Variants in ESPN observed in about 807,000 individuals in gnomAD.
ESPN encodes autosomal recessive deafness type 36 protein.
A neutral mutation model predicts 77.7 loss-of-function variants in ESPN; 68 were observed. The ratio of observed to expected loss-of-function variants is 0.87; its 90% CI spans 0.72 to 1.07. The LOEUF (loss-of-function observed/expected upper bound fraction) is 1.07. Ranked by LOEUF, ESPN falls within the 50% of genes least tolerant of loss-of-function variation. The pLI is 0.00. For missense variants in ESPN, 1,060 were observed against 1,239.0 expected, an observed-to-expected ratio of 0.86 and a Z score of 2.17; for synonymous variants, 449 against 567.1, an observed-to-expected ratio of 0.79 and a Z score of 2.96.
chr1:6,454,154 G>A (rs1644005226), intron 10 of ESPN, among the ~76,000 whole-genome samples: 1 of 152,182 alleles, frequency 6.6e-6, no homozygotes, highest in African/African-American at 2.4e-5. Context: ...TGGAGACCCC[G>A]TCTGCTGGCC....
Position 6,450,779 on chromosome 1 carries a change from C to G in ESPN, c.1916-824C>G, listed in dbSNP as rs1195048293. On this transcript the variant is annotated intron_variant, in intron 8 of 12. Transcript: ENST00000645284. This position sits in a 1 kb window ranked among gnomAD's most constrained non-coding sequence, Gnocchi z 4.3. ...CCCGCTGTGACTGCATTCTGGGATCCCCAGCCTGGGAATCCAAGAGCTGTC... is the reference window on the plus strand; with the variant it reads ...CCCGCTGTGACTGCATTCTGGGATCGCCAGCCTGGGAATCCAAGAGCTGTC... Among the ~76,000 whole-genome samples the G allele has an allele frequency of 6.6e-6, 1 of 152,126 alleles. No homozygotes were observed.
rs1642994057 is a variant in ESPN at position 6,425,265 on chromosome 1, T to C, written c.294+16T>C. 20 of 1,566,824 alleles carry C rather than the reference T, an allele frequency of 1.3e-5. No individual in the cohort carries two copies. Among genetic ancestry groups the C allele is most frequent in the Non-Finnish European group, 1.7e-5 (20 of 1,164,892 alleles). On this transcript the variant is annotated intron_variant, in intron 1 of 12. Transcript: ENST00000645284. ...CAGAGTGCAGGTGGGTCCGCGCGGT[T>C]CGCCAGGGGCACTGAGGCTTCCTCC... is the stretch of plus-strand genomic sequence containing the variant.
intron 7 of ESPN, chr1:6,446,888 G>A (rs1234141231): frequency 1.3e-5 from 2 of 152,254 alleles, no homozygotes; most frequent in African/African-American, 4.8e-5. Context: ...ACTGGGCAAG[G>A]GAGGCATGGG....
intron 2 of ESPN, among the ~76,000 whole-genome samples, chr1:6,438,189 T>G (rs1349182540): frequency 6.6e-6 from 1 of 152,126 alleles, no homozygotes; most frequent in African/African-American, 2.4e-5. Flanking sequence ...TGGGGATAGA[T>G]TGTGGCTCCA....
chr1:6,455,576 G>GC (rs1644040074), intron 10 of ESPN: 1 of 398,922 alleles, frequency 2.5e-6, no homozygotes, highest in African/African-American at 2.1e-5. Context: ...GCCTGTATTG[G>GC]CCCCAGCACT....
intron 3 of ESPN, 35 bp from the exon 4 acceptor site, chr1:6,440,591 G>GCCCCCCC: frequency 9.4e-7 from 1 of 1,066,458 alleles, no homozygotes; most frequent in Non-Finnish European, 1.3e-6. Context: ...CTGGCGCCCA[G>GCCCCCCC]CCCCCGCCCC....
In ESPN at chr1:6,437,993, T is replaced by C. The variant is rs1225669902; in HGVS notation, c.489-2261T>C. Among the ~76,000 whole-genome samples, 2 of 150,214 alleles carry C rather than the reference T, an allele frequency of 1.3e-5. No homozygotes were observed. Among genetic ancestry groups the C allele is most frequent in the African/African-American group, 2.5e-5 (1 of 40,580 alleles). ...CATTGATGGGCAGGCAACAAGCGGA[T>C]GGGCAGTTGGATGGGTGAGCGAGGG... On this transcript the variant is annotated intron_variant, in intron 2 of 12. Transcript: ENST00000645284. This position sits in a 1 kb window ranked among gnomAD's most constrained non-coding sequence, Gnocchi z 4.5.
intron 3 of ESPN, 67 bp from the exon 4 acceptor site, chr1:6,440,559 C>G: frequency 1.4e-6 from 1 of 691,580 alleles, no homozygotes; most frequent in Non-Finnish European, 1.9e-6. Context: ...CACGGAGGTA[C>G]AGGGGGCGGG....
In ESPN at chr1:6,440,776, C is replaced by T. The variant is rs781690883; in HGVS notation, c.826C>T (p.Leu276=). The T allele has an allele frequency of 2.8e-5, 42 of 1,520,734 alleles. No homozygotes were observed. In the East Asian group the frequency reaches 6.2e-4, roughly 23 times the overall value. The allele number at this position is 1,520,734 out of a possible 1,614,324, so 94.2% of individuals were successfully genotyped here. ...ISADLWGGTP[L]HDAAENGELE... The stretch of plus-strand genomic sequence containing the variant: ...GGCTGACCTGTGGGGCGGGACCCCG[C>T]TGCACGACGCCGCCGAGAACGGGGA... Residue 276 remains leucine, a synonymous_variant, in exon 4 of 13, where the codon CTG becomes TTG. Coordinates refer to ENST00000645284, the MANE Select transcript of ESPN (RefSeq NM_031475.3).
chr1:6,425,375 GGAGCTCCTTCCA>G (rs1292995621), intron 1 of ESPN, 126 bp downstream of exon 1: 2 of 1,229,068 alleles, frequency 1.6e-6, no homozygotes, highest in Admixed American at 4.2e-5. Flanking sequence ...AACCCTGCAC[GGAGCTCCTTCCA>G]GAGGCCCTCA....
At position 6,452,099 on chromosome 1, in the gene ESPN, G is replaced by A. The variant is rs756258213; in HGVS notation, c.2325+3G>A. On this transcript the variant is annotated splice_donor_region_variant and intron_variant, in intron 10 of 12. Transcript: ENST00000645284. ...AGGAGGAGGAGCAGAGGCGGAAGGT[G>A]GGTGGGGCGGGGTGCCCAGGGAGCC... 10 of 1,534,726 alleles carry A rather than the reference G, an allele frequency of 6.5e-6. No individual in the cohort carries two copies. The highest frequency in any genetic ancestry group is 4.1e-4 in the Middle Eastern group (2 of 4,892).
At chr1:6,452,897 A>ATTT (rs1350694225) in intron 10 of ESPN, among the ~76,000 whole-genome samples, 2 of 138,808 alleles carry the variant, frequency 1.4e-5, no homozygotes, top group South Asian at 4.2e-4. Flanking sequence ...ATTTATTTTT[A>ATTT]TTTTTTATTT....
downstream of ESPN, chr1:6,461,238 C>A (rs1197215000): frequency 2.7e-6 from 2 of 751,432 alleles, no homozygotes; most frequent in Non-Finnish European, 4.8e-6. The surrounding 1 kb of genome is among the most constrained non-coding windows in gnomAD (Gnocchi z 6.3). Context: ...GTCTTCACCC[C>A]CTCTCGACAT....
At chr1:6,446,802 G>A (rs115703831) in intron 7 of ESPN, 24 of 152,292 alleles carry the variant, frequency 1.6e-4, no homozygotes, top group African/African-American at 4.6e-4. Context: ...CTGGAGCCTG[G>A]GACCTTGCAG....
At chr1:6,453,936 C>G (rs998305040) in intron 10 of ESPN, among the ~76,000 whole-genome samples, 1 of 152,076 alleles carries the variant, frequency 6.6e-6, no homozygotes, top group Admixed American at 6.6e-5. Flanking sequence ...TCTTTAAGAG[C>G]GGAGTGGCCT....
chr1:6,439,576 G>A (rs1643546275), intron 2 of ESPN, among the ~76,000 whole-genome samples: 1 of 152,210 alleles, frequency 6.6e-6, no homozygotes, highest in Admixed American at 6.5e-5. Flanking sequence ...GAGTCTTCAA[G>A]AGGGAGGAGA....
Position 6,460,465 on chromosome 1 carries a change from T to G in ESPN, c.*319T>G. On this transcript the variant is annotated 3_prime_UTR_variant, in exon 13 of 13. Coordinates refer to ENST00000645284, the MANE Select transcript of ESPN (RefSeq NM_031475.3). The stretch of plus-strand genomic sequence containing the variant: ...GAGTGCAGAGCTCTCCCCAGCCCCG[T>G]GGGTGGTGACTTTGTTTTCCTGCGG... The G allele has an allele frequency of 4.4e-6, 1 of 227,412 alleles. No individual in the cohort carries two copies. The highest frequency in any genetic ancestry group is 8.7e-6 in the Non-Finnish European group (1 of 114,750). 14.1% of individuals were successfully genotyped at this position (227,412 alleles called of 1,614,324 possible).
Position 6,440,613 on chromosome 1 carries a change from C to G in ESPN, c.676-13C>G. The G allele has an allele frequency of 6.9e-7, 1 of 1,449,286 alleles. No homozygotes were observed. The highest frequency in any genetic ancestry group is 9.2e-7 in the Non-Finnish European group (1 of 1,083,356). 89.8% of individuals were successfully genotyped at this position (1,449,286 alleles called of 1,614,324 possible). A position where few individuals can be genotyped will look rare whatever the true frequency, so the allele number is the denominator to read the frequency against. ...CCAGCCCCCGCCCCCCTCTCCCCGC[C>G]CGTCCCGCCCAGGTGAGCTGCACCG... is the stretch of plus-strand genomic sequence containing the variant. On this transcript the variant is annotated splice_polypyrimidine_tract_variant and intron_variant, in intron 3 of 12. Transcript: ENST00000645284.
chr1:6,449,170 C>A, intron 8 of ESPN, 79 bp downstream of exon 8: 1 of 1,342,102 alleles, frequency 7.5e-7, no homozygotes, highest in Non-Finnish European at 9.7e-7. Flanking sequence ...GCCCCCTCCC[C>A]AGCTGTCACT....
Sources: gnomAD v4.1 joint callset for allele counts (sites outside exome capture counted in the v4.1 genomes callset) on GRCh38, gnomAD v4.1.1 for gene constraint, Gnocchi (gnomAD v3.1) non-coding constraint, MANE v1.5 for transcripts, NCBI Gene and HGNC (gene_info 2026-07-23, HGNC 2026-07-21) for gene names.